CCDC102B: variants seen among roughly 807,000 people sequenced by gnomAD.
CCDC102B encodes the protein coiled-coil domain-containing protein 102B.
Under a neutral mutation model 57.4 loss-of-function variants are expected in CCDC102B, and 75 were observed. The ratio of observed to expected loss-of-function variants is 1.31; its 90% CI spans 1.08 to 1.58. CCDC102B has a LOEUF of 1.58. Among genes scored for constraint, CCDC102B ranks in the 40% most tolerant of loss-of-function variants. The pLI is 0.00. For synonymous variants in CCDC102B, 206 were observed against 201.9 expected (o/e 1.02, Z -0.17); for missense variants, 636 against 582.6 (o/e 1.09, Z -0.94).
chr18:68,883,679 CAG>C (rs939951229), intron 5 of CCDC102B, among the ~76,000 whole-genome samples: 8 of 152,128 alleles, frequency 5.3e-5, no homozygotes, highest in Non-Finnish European at 1.0e-4. Flanking sequence ...TTACTGTCAA[CAG>C]GGGGATTTAA....
At chr18:68,942,495 G>A (rs1024496802) in intron 6 of CCDC102B, among the ~76,000 whole-genome samples, 1 of 151,994 alleles carries the variant, frequency 6.6e-6, no homozygotes, top group African/African-American at 2.4e-5. Flanking sequence ...CAGGACAATA[G>A]GGTAGTAATG....
At chr18:69,013,043 CATT>C (rs1391078218) in intron 7 of CCDC102B, among the ~76,000 whole-genome samples, 1 of 150,496 alleles carries the variant, frequency 6.6e-6, no homozygotes, top group Non-Finnish European at 1.5e-5. Context: ...AAAAAAAAAA[CATT>C]ATATCAAAAA....
rs1409918527 is a variant in CCDC102B at position 68,798,134 on chromosome 18, A to G, written c.-63A>G. ...GGATGCAGGAAATTCTGTTGTTTACACATGTGGCTGCAACTGAGACACTGG... is the reference window on the plus strand; with the variant it reads ...GGATGCAGGAAATTCTGTTGTTTACGCATGTGGCTGCAACTGAGACACTGG... On this transcript the variant is annotated 5_prime_UTR_variant, in exon 1 of 8. Transcript: ENST00000360242. The G allele has an allele frequency of 6.6e-6, 1 of 152,140 alleles. No homozygotes were observed. Among genetic ancestry groups the G allele is most frequent in the Non-Finnish European group, 1.5e-5 (1 of 68,036 alleles). The allele number at this position is 152,140 out of a possible 1,614,324, so 9.4% of individuals were successfully genotyped here.
At chr18:68,777,601 G>C (rs1451580652) in intron 2 of CCDC102B, among the ~76,000 whole-genome samples, 1 of 152,028 alleles carries the variant, frequency 6.6e-6, no homozygotes. Context: ...GGGTTAAAGG[G>C]GGTATTTAGA....
At chr18:68,923,665 GT>G (rs1262634630) in intron 6 of CCDC102B, among the ~76,000 whole-genome samples, 1 of 152,040 alleles carries the variant, frequency 6.6e-6, no homozygotes, top group Non-Finnish European at 1.5e-5. Context: ...GAAAAGCATT[GT>G]TTGAATATTG....
rs1458817400 is a variant in CCDC102B, at chr18:68,956,559, T to A, written c.1264-54375T>A. On this transcript the variant is annotated intron_variant, in intron 6 of 7. Transcript: ENST00000360242. ...ATATTTTATATATATAAATATTATA[T>A]ATATTATATATTTTATATATATAAA... is the stretch of plus-strand genomic sequence containing the variant. Among the ~76,000 whole-genome samples the A allele has an allele frequency of 1.5e-3, 8 of 5,282 alleles. 1 individual carries two copies. The East Asian group carries it at 0.1, about 66-fold the overall frequency. The allele number at this position is 5,282 out of a possible 152,430, so 3.5% of individuals were successfully genotyped here. A position where few individuals can be genotyped will look rare whatever the true frequency, so the allele number is the denominator to read the frequency against.
intron 4 of CCDC102B, among the ~76,000 whole-genome samples, chr18:68,857,844 C>G (rs560718435): frequency 2.6e-5 from 4 of 152,032 alleles, no homozygotes; most frequent in Non-Finnish European, 5.9e-5. Flanking sequence ...ATCCTTTTTT[C>G]CATCTTTTGT....
intron 1 of CCDC102B, among the ~76,000 whole-genome samples, chr18:68,812,424 A>G (rs964750169): frequency 6.6e-6 from 1 of 152,180 alleles, no homozygotes; most frequent in Non-Finnish European, 1.5e-5. Context: ...ATGTGGCTAT[A>G]TATGATTACT....
At chr18:68,902,454 A>G (rs557527076) in intron 6 of CCDC102B, among the ~76,000 whole-genome samples, 3 of 152,326 alleles carry the variant, frequency 2.0e-5, no homozygotes, top group South Asian at 2.1e-4. Flanking sequence ...CCAACATTAT[A>G]TGGGTCAGAG....
At chr18:68,835,032 A>G (rs1361984339) in intron 1 of CCDC102B, among the ~76,000 whole-genome samples, 2 of 152,160 alleles carry the variant, frequency 1.3e-5, no homozygotes, top group African/African-American at 4.8e-5. Flanking sequence ...GGGTAATTAT[A>G]TACAGCCATG....
intron 2 of CCDC102B, among the ~76,000 whole-genome samples, chr18:68,769,500 C>G (rs2034571042): frequency 6.6e-6 from 1 of 152,068 alleles, no homozygotes; most frequent in African/African-American, 2.4e-5. Context: ...TGCTTTTCTC[C>G]TCTCATTTTC....
chr18:69,015,122 C>T (rs897079207), intron 7 of CCDC102B, among the ~76,000 whole-genome samples: 11 of 152,094 alleles, frequency 7.2e-5, no homozygotes, highest in African/African-American at 1.9e-4. Context: ...AAATGGAATG[C>T]GTGCCGTTTT....
At chr18:68,771,316 T>G (rs1202502206) in intron 2 of CCDC102B, among the ~76,000 whole-genome samples, 1 of 152,074 alleles carries the variant, frequency 6.6e-6, no homozygotes, top group African/African-American at 2.4e-5. Flanking sequence ...GATGAGAAAA[T>G]GTAGACTATG....
At chr18:68,844,442 A>T (rs1362355082) in intron 3 of CCDC102B, among the ~76,000 whole-genome samples, 3 of 151,786 alleles carry the variant, frequency 2.0e-5, no homozygotes, top group Non-Finnish European at 1.5e-5. Flanking sequence ...TCAGTTACTG[A>T]CAAGACATTC....
chr18:68,967,510 G>A (rs1277400148), intron 6 of CCDC102B, among the ~76,000 whole-genome samples: 1 of 152,042 alleles, frequency 6.6e-6, no homozygotes, highest in Non-Finnish European at 1.5e-5. Flanking sequence ...ACAAGTTGAA[G>A]GACAATTTCA....
chr18:68,807,754 A>G (rs2036085281), intron 1 of CCDC102B, among the ~76,000 whole-genome samples: 1 of 152,206 alleles, frequency 6.6e-6, no homozygotes, highest in Admixed American at 6.5e-5. Context: ...ATGAAAACGG[A>G]TCCCAGATCA....
intron 7 of CCDC102B, among the ~76,000 whole-genome samples, chr18:69,040,112 C>G (rs1014177969): frequency 6.6e-6 from 1 of 151,808 alleles, no homozygotes. Flanking sequence ...ATGAATTTAT[C>G]TATTACATGA....
At chr18:68,801,222 A>G (rs953111180) in intron 1 of CCDC102B, among the ~76,000 whole-genome samples, 1 of 152,098 alleles carries the variant, frequency 6.6e-6, no homozygotes, top group Non-Finnish European at 1.5e-5. Context: ...GCATTCTAAG[A>G]ATATATTCTA....
chr18:68,790,352 C>T (rs1420101083), intron 2 of CCDC102B, among the ~76,000 whole-genome samples: 2 of 151,710 alleles, frequency 1.3e-5, no homozygotes, highest in African/African-American at 2.4e-5. Context: ...CTGTGGTGGG[C>T]TCCACCCAGT....
Sources: gnomAD v4.1 joint callset for allele counts (sites outside exome capture counted in the v4.1 genomes callset) on GRCh38, gnomAD v4.1.1 for gene constraint, MANE v1.5 for transcripts, NCBI Gene and HGNC (gene_info 2026-07-23, HGNC 2026-07-21) for gene names.